Variants in ZMYM2 observed in about 807,000 individuals in gnomAD.
ZMYM2 encodes zinc finger MYM-type protein 2.
Under a neutral mutation model 162.8 loss-of-function variants are expected in ZMYM2, and 56 were observed. The observed-to-expected ratio is 0.34, with a 90% confidence interval of 0.28 to 0.43. ZMYM2 has a LOEUF of 0.43. ZMYM2 is among the 20% of genes least tolerant of loss of function. The pLI is 1.00. For missense variants in ZMYM2, 1,275 were observed against 1,621.8 expected (o/e 0.79, Z 3.67); for synonymous variants, 510 against 541.6 (o/e 0.94, Z 0.81).
At chr13:19,968,845 G>A (rs1956042222) in intron 2 of ZMYM2, among the ~76,000 whole-genome samples, 1 of 152,160 alleles carries the variant, frequency 6.6e-6, no homozygotes, top group Non-Finnish European at 1.5e-5. Flanking sequence ...AAATCAAGTA[G>A]GAAGTGTGTT....
At chr13:19,995,907 C>G (rs906861942) in intron 3 of ZMYM2, among the ~76,000 whole-genome samples, 2 of 152,052 alleles carry the variant, frequency 1.3e-5, no homozygotes, top group Non-Finnish European at 2.9e-5. Flanking sequence ...GGGAGGATTC[C>G]TTGAGCCCCA....
the ZMYM2 span, among the ~76,000 whole-genome samples, chr13:19,888,290 G>A: frequency 1.3e-5 from 2 of 151,728 alleles, no homozygotes; most frequent in Non-Finnish European, 2.9e-5. Context: ...CTGGGCTCAC[G>A]CAGTTCTCCC....
chr13:19,981,310 AAAAC>A (rs1372703694), intron 2 of ZMYM2, among the ~76,000 whole-genome samples: 2 of 144,120 alleles, frequency 1.4e-5, no homozygotes, highest in South Asian at 2.1e-4. Flanking sequence ...AACAAAAAAA[AAAAC>A]AAAAAACAAA....
chr13:20,059,610 A>T, intron 16 of ZMYM2, 48 bp downstream of exon 16: 1 of 874,904 alleles, frequency 1.1e-6, no homozygotes, highest in Non-Finnish European at 2.0e-6. Flanking sequence ...TAGCAGACAC[A>T]GTTGGGAAAA....
At chr13:19,910,278 C>G in the ZMYM2 span, among the ~76,000 whole-genome samples, 25 of 151,968 alleles carry the variant, frequency 1.6e-4, 1 homozygote, top group East Asian at 9.7e-4. Flanking sequence ...ACCCATTAAG[C>G]AGAGATTCTG....
At chr13:19,934,396 G>A in the ZMYM2 span, among the ~76,000 whole-genome samples, 1 of 152,114 alleles carries the variant, frequency 6.6e-6, no homozygotes, top group Admixed American at 6.6e-5. Context: ...CTGACCTTGT[G>A]ATTTGCCCAC....
chr13:19,920,507 G>A, the ZMYM2 span, among the ~76,000 whole-genome samples: 1 of 151,468 alleles, frequency 6.6e-6, no homozygotes, highest in African/African-American at 2.4e-5. Flanking sequence ...GAGAAGATGA[G>A]GGAAGGGGAG....
intron 13 of ZMYM2, among the ~76,000 whole-genome samples, chr13:20,051,912 A>G (rs532487625): frequency 3.3e-5 from 5 of 152,278 alleles, no homozygotes; most frequent in African/African-American, 4.8e-5. Flanking sequence ...GCAATTTTAA[A>G]TGAAAATTAT....
chr13:20,014,313 C>T (rs961758728), intron 6 of ZMYM2, among the ~76,000 whole-genome samples: 3 of 152,132 alleles, frequency 2.0e-5, no homozygotes, highest in Non-Finnish European at 4.4e-5. Flanking sequence ...ACCTCATGAT[C>T]CACCCGCCTC....
chr13:19,961,855 A>G (rs924739761), intron 2 of ZMYM2, among the ~76,000 whole-genome samples: 2 of 152,240 alleles, frequency 1.3e-5, no homozygotes, highest in Non-Finnish European at 2.9e-5. Context: ...ATGATTTTTA[A>G]TTGGCCTTGA....
At chr13:20,032,356 G>A (rs564020338) in intron 10 of ZMYM2, among the ~76,000 whole-genome samples, 41 of 147,196 alleles carry the variant, frequency 2.8e-4, no homozygotes, top group African/African-American at 1.0e-3. Context: ...TGCCCAGGCT[G>A]CCCATTGCTT....
chr13:20,004,543 C>T (rs1158044720), intron 4 of ZMYM2, among the ~76,000 whole-genome samples: 1 of 152,238 alleles, frequency 6.6e-6, no homozygotes, highest in East Asian at 1.9e-4. Flanking sequence ...GCGTGAGCCA[C>T]TGCGCTCAGC....
At chr13:20,042,608 A>G (rs2140438789) in intron 12 of ZMYM2, among the ~76,000 whole-genome samples, 1 of 152,290 alleles carries the variant, frequency 6.6e-6, no homozygotes, top group South Asian at 2.1e-4. Context: ...TTTGGAAGAA[A>G]GAAGGCACTC....
intron 6 of ZMYM2, among the ~76,000 whole-genome samples, chr13:20,018,680 G>C (rs1471180198): frequency 6.6e-6 from 1 of 152,150 alleles, no homozygotes; most frequent in African/African-American, 2.4e-5. Context: ...ATAGTATTTT[G>C]ACTTTCATGG....
chr13:19,985,593 C>A (rs1366612699), intron 2 of ZMYM2, among the ~76,000 whole-genome samples: 2 of 151,942 alleles, frequency 1.3e-5, no homozygotes, highest in Non-Finnish European at 2.9e-5. Flanking sequence ...ATCCCAGCTA[C>A]TCAGGAGGCT....
chr13:20,006,784 C>T (rs1209802999), intron 6 of ZMYM2, among the ~76,000 whole-genome samples, 198 bp downstream of exon 6: 2 of 152,086 alleles, frequency 1.3e-5, no homozygotes, highest in Non-Finnish European at 2.9e-5. Context: ...AGTCAGGGAC[C>T]ATCTGTATTT....
At chr13:19,947,992 C>A in the ZMYM2 span, among the ~76,000 whole-genome samples, 2 of 98,576 alleles carry the variant, frequency 2.0e-5, no homozygotes, top group Admixed American at 1.4e-4. Flanking sequence ...TTTAAAACAT[C>A]CTGTAAGTAA....
chr13:20,034,373 C>A lies in ZMYM2; in HGVS notation c.2088C>A (p.Phe696Leu). ...AGACTCTTCATGAAACAGTAAATTT[C>A]TCTGGCGTTAAGAGACCTTTCTGTA... ...EEKTLHETVN[F>L]SGVKRPFCSE... Residue 696 changes from phenylalanine (F) to leucine (L), a missense_variant, in exon 11 of 25, where the codon TTC becomes TTA. Around this residue, in one of 10 missense-constraint regions of ZMYM2, gnomAD observed 177 missense variants for 228.0 expected, o/e 0.78. Transcript: ENST00000610343. The A allele has an allele frequency of 3.7e-6, 6 of 1,605,058 alleles. No individual in the cohort carries two copies. The highest frequency in any genetic ancestry group is 5.1e-6 in the Non-Finnish European group (6 of 1,176,688).
upstream of ZMYM2, among the ~76,000 whole-genome samples, chr13:19,955,401 T>C (rs1021638539): frequency 3.9e-5 from 6 of 152,086 alleles, no homozygotes; most frequent in Admixed American, 2.0e-4. Flanking sequence ...TCACACATGA[T>C]GAAACGATCA....
Sources: gnomAD v4.1 joint callset for allele counts (sites outside exome capture counted in the v4.1 genomes callset) on GRCh38, gnomAD v4.1.1 for gene constraint, gnomAD v4.1.1 regional missense constraint, MANE v1.5 for transcripts, NCBI Gene and HGNC (gene_info 2026-07-23, HGNC 2026-07-21) for gene names.